FTCDNL1: variants seen among roughly 807,000 people sequenced by gnomAD.
FTCDNL1 encodes formiminotransferase N-terminal subdomain-containing protein.
Under a neutral mutation model 5.9 loss-of-function variants are expected in FTCDNL1, and 11 were observed. That is an observed-to-expected ratio of 1.87 (90% CI 1.18 to 3.10). The LOEUF is 3.10. FTCDNL1 is among the 30% of genes most tolerant of loss of function. The probability of loss-of-function intolerance (pLI) is 0.00; values close to 1 mark genes in which losing one functional copy is unlikely to be tolerated. For synonymous variants in FTCDNL1, 58 were observed against 24.8 expected, an observed-to-expected ratio of 2.34 and a Z score of -3.99; for missense variants, 115 against 65.5, an observed-to-expected ratio of 1.76 and a Z score of -2.61.
the FTCDNL1 span, among the ~76,000 whole-genome samples, chr2:199,724,526 C>T: frequency 2.6e-5 from 4 of 152,130 alleles, no homozygotes; most frequent in Middle Eastern, 3.4e-3. Flanking sequence ...ATTTAGCGCT[C>T]TAAATTTCCC....
At chr2:199,697,415 G>A in the FTCDNL1 span, among the ~76,000 whole-genome samples, 1 of 152,134 alleles carries the variant, frequency 6.6e-6, no homozygotes, top group East Asian at 1.9e-4. Flanking sequence ...AACCCCATGA[G>A]GCTAATAGTG....
chr2:199,771,595 C>G (rs935550273), intron 3 of FTCDNL1, among the ~76,000 whole-genome samples: 1 of 152,068 alleles, frequency 6.6e-6, no homozygotes. Flanking sequence ...TATAAAAGAA[C>G]AAAAGCAAAT....
intron 3 of FTCDNL1, among the ~76,000 whole-genome samples, chr2:199,792,809 A>G (rs1464761790): frequency 6.6e-6 from 1 of 152,202 alleles, no homozygotes; most frequent in Non-Finnish European, 1.5e-5. Context: ...CTTTGTATCC[A>G]AAGCAAGATC....
the FTCDNL1 span, among the ~76,000 whole-genome samples, chr2:199,715,992 C>G: frequency 0.78 from 114,205 of 146,048 alleles, 45,829 homozygotes; most frequent in South Asian, 0.92. Flanking sequence ...GAAATATATC[C>G]CGCATGTGAA....
chr2:199,763,995 C>T (rs112214438), intron 3 of FTCDNL1, among the ~76,000 whole-genome samples: 10 of 152,208 alleles, frequency 6.6e-5, no homozygotes, highest in East Asian at 1.9e-4. Context: ...ATGCCTGCCA[C>T]GACACCTGGC....
chr2:199,741,658 T>A, the FTCDNL1 span, among the ~76,000 whole-genome samples: 1 of 152,216 alleles, frequency 6.6e-6, no homozygotes, highest in Non-Finnish European at 1.5e-5. Flanking sequence ...TATTTTCAAA[T>A]GTTACTTCCC....
chr2:199,724,720 T>C, the FTCDNL1 span, among the ~76,000 whole-genome samples: 1 of 152,204 alleles, frequency 6.6e-6, no homozygotes, highest in Non-Finnish European at 1.5e-5. Context: ...TCTTGAGTTC[T>C]AATTTAATTG....
chr2:199,671,882 C>A, the FTCDNL1 span, among the ~76,000 whole-genome samples: 1 of 152,272 alleles, frequency 6.6e-6, no homozygotes, highest in South Asian at 2.1e-4. Flanking sequence ...TATAACAAAA[C>A]TCAAAGCTCT....
chr2:199,828,442 G>GTT, intron 3 of FTCDNL1, among the ~76,000 whole-genome samples: 1 of 152,154 alleles, frequency 6.6e-6, no homozygotes, highest in Non-Finnish European at 1.5e-5. Flanking sequence ...CAATAGTTTT[G>GTT]TTCAGATTTG....
chr2:199,725,375 G>A, the FTCDNL1 span, among the ~76,000 whole-genome samples: 27 of 152,212 alleles, frequency 1.8e-4, no homozygotes, highest in East Asian at 4.8e-3. Flanking sequence ...GGGACATTTA[G>A]CTCATTTACA....
At chr2:199,820,107 G>A (rs1295255920) in intron 3 of FTCDNL1, among the ~76,000 whole-genome samples, 1 of 152,182 alleles carries the variant, frequency 6.6e-6, no homozygotes, top group Admixed American at 6.5e-5. Flanking sequence ...AATGAAATTG[G>A]TGCCTTCAAT....
Position 199,809,466 on chromosome 2 carries a change from C to A in FTCDNL1, c.*3239G>T, listed in dbSNP as rs1490172344. On this transcript the variant is annotated 3_prime_UTR_variant, in exon 5 of 5. Transcript: ENST00000420128. ...TTAAAGAAGATCACAGTCTTTCTTG[C>A]TAAACTCAATTTGTGGAAAAATTCA... Among the ~76,000 whole-genome samples the A allele has an allele frequency of 2.0e-5, 3 of 152,068 alleles. No homozygotes were observed. Among genetic ancestry groups the A allele is most frequent in the Non-Finnish European group, 2.9e-5 (2 of 68,028 alleles).
chr2:199,701,861 C>T, the FTCDNL1 span, among the ~76,000 whole-genome samples: 1 of 151,998 alleles, frequency 6.6e-6, no homozygotes, highest in Non-Finnish European at 1.5e-5. Context: ...ATGGCGAAAC[C>T]CCGTCTCTAC....
intron 3 of FTCDNL1, among the ~76,000 whole-genome samples, chr2:199,761,950 T>C (rs1698289135): frequency 6.6e-6 from 1 of 152,222 alleles, no homozygotes; most frequent in East Asian, 1.9e-4. Context: ...ATTTGTTTAA[T>C]GCAGGGGTGT....
intron 4 of FTCDNL1, chr2:199,818,316 GCAAT>G (rs1290823449): frequency 6.6e-6 from 1 of 152,190 alleles, no homozygotes; most frequent in Non-Finnish European, 1.5e-5. Flanking sequence ...TTGGCAGAGA[GCAAT>G]CAGTCTCTTC....
At chr2:199,802,750 G>A (rs1700521265) in intron 3 of FTCDNL1, among the ~76,000 whole-genome samples, 1 of 152,166 alleles carries the variant, frequency 6.6e-6, no homozygotes, top group Non-Finnish European at 1.5e-5. Flanking sequence ...GCGATGTGCA[G>A]TTCATCCTCC....
At chr2:199,767,381 C>G (rs995647566) in intron 3 of FTCDNL1, among the ~76,000 whole-genome samples, 4 of 152,166 alleles carry the variant, frequency 2.6e-5, no homozygotes, top group African/African-American at 9.6e-5. Context: ...TGAATCCCTC[C>G]AGTTATCATC....
chr2:199,755,656 T>C (rs1001457439), downstream of FTCDNL1, among the ~76,000 whole-genome samples: 4 of 152,226 alleles, frequency 2.6e-5, no homozygotes, highest in African/African-American at 9.6e-5. Flanking sequence ...TTTATTATTA[T>C]CATCGTTACG....
At chr2:199,795,844 T>C (rs1483016319) in intron 3 of FTCDNL1, among the ~76,000 whole-genome samples, 1 of 152,182 alleles carries the variant, frequency 6.6e-6, no homozygotes, top group Non-Finnish European at 1.5e-5. Flanking sequence ...TATATCTCAT[T>C]GTCATCCATA....
Sources: gnomAD v4.1 joint callset for allele counts (sites outside exome capture counted in the v4.1 genomes callset) on GRCh38, gnomAD v4.1.1 for gene constraint, MANE v1.5 for transcripts, NCBI Gene and HGNC (gene_info 2026-07-23, HGNC 2026-07-21) for gene names.